PRH1: variants seen among roughly 807,000 people sequenced by gnomAD.
The protein encoded by PRH1 is proline rich protein HaeIII subfamily 1, also known as salivary acidic proline-rich phosphoprotein 1/2.
PRH1 carries 7 observed loss-of-function variants against 7.9 expected under a neutral mutation model. The observed-to-expected ratio is 0.89, with a 90% CI of 0.50 to 1.67. The LOEUF (loss-of-function observed/expected upper bound fraction) is 1.67, where lower values mean the gene tolerates loss of function less well. Ranked by LOEUF, PRH1 falls within the 40% of genes most tolerant of loss-of-function variation. The pLI is 0.00. For synonymous variants in PRH1, 45 were observed against 80.8 expected (o/e 0.56, Z 2.38); for missense variants, 109 against 223.6 (o/e 0.49, Z 3.27).
chr12:11,163,318 A>AGG (rs1313903180), intron 1 of PRH1, among the ~76,000 whole-genome samples: 2 of 152,168 alleles, frequency 1.3e-5, no homozygotes, highest in Non-Finnish European at 2.9e-5. Flanking sequence ...AACATTTATT[A>AGG]AATAATCACT....
At chr12:10,900,830 C>T (rs1949712780) in intron 2 of PRH1, among the ~76,000 whole-genome samples, 1 of 152,122 alleles carries the variant, frequency 6.6e-6, no homozygotes, top group African/African-American at 2.4e-5. Flanking sequence ...GGGAGGCCCT[C>T]TCTGCTTCAT....
intron 2 of PRH1, among the ~76,000 whole-genome samples, chr12:10,940,566 C>T (rs573696438): frequency 3.9e-5 from 6 of 152,304 alleles, no homozygotes; most frequent in African/African-American, 1.4e-4. Context: ...ATTGCTTCAT[C>T]AGCACCAAAT....
chr12:10,908,870 TA>T, intron 2 of PRH1: 1 of 1,613,012 alleles, frequency 6.2e-7, no homozygotes, highest in Non-Finnish European at 8.5e-7. Context: ...GTATCAGATT[TA>T]AAAATAAGAA....
rs1174819795 is a variant in PRH1 at position 11,093,881 on chromosome 12, G to A, written n.124-46693C>T. Among the ~76,000 whole-genome samples the A allele has an allele frequency of 1.8e-5, 2 of 114,234 alleles. 1 individual carries two copies. Among genetic ancestry groups the A allele is most frequent in the Non-Finnish European group, 4.1e-5 (2 of 48,648 alleles). The allele number at this position is 114,234 out of a possible 152,430, so 74.9% of individuals were successfully genotyped here. A position where few individuals can be genotyped will look rare whatever the true frequency, so the allele number is the denominator to read the frequency against. ...TCCATTTACCATGAGAATATCGCCT[G>A]GCTAGTACACTGTTCCCAGAAGAAG... is the stretch of plus-strand genomic sequence containing the variant. On this transcript the variant is annotated intron_variant and non_coding_transcript_variant, in intron 1 of 4. Coordinates refer to the PRH1 transcript ENST00000541977.
intron 1 of PRH1, among the ~76,000 whole-genome samples, chr12:11,004,476 A>C (rs946832993): frequency 2.0e-5 from 3 of 152,034 alleles, no homozygotes; most frequent in African/African-American, 7.2e-5. Context: ...CTGCACTCCA[A>C]CCTAGACCAC....
chr12:11,147,854 T>C (rs544630873), intron 1 of PRH1, among the ~76,000 whole-genome samples: 23 of 152,206 alleles, frequency 1.5e-4, no homozygotes, highest in South Asian at 4.2e-4. Context: ...GGGGATGGCA[T>C]TGAATCTATA....
At chr12:10,921,324 T>C (rs944197656) in intron 2 of PRH1, among the ~76,000 whole-genome samples, 31 of 152,222 alleles carry the variant, frequency 2.0e-4, no homozygotes, top group African/African-American at 3.4e-4. Flanking sequence ...TATATTTTGA[T>C]AGTCCATTCA....
In PRH1 at chr12:10,956,160, T is replaced by TA. The variant is rs150154693; in HGVS notation, c.-59+17494dup. On this transcript the variant is annotated intron_variant, in intron 2 of 3. Coordinates refer to the PRH1 transcript ENST00000539853. The stretch of plus-strand genomic sequence containing the variant: ...AAAACAACCTCAATAAACATAGATT[T>TA]AAAAAAAACACTCCACAAAATGCCA... Among the ~76,000 whole-genome samples the TA allele has an allele frequency of 7.3e-4, 111 of 151,382 alleles. No individual in the cohort carries two copies. In the East Asian group the frequency reaches 0.018, roughly 25 times the overall value.
chr12:10,982,867 T>C (rs1279771818), intron 1 of PRH1, among the ~76,000 whole-genome samples: 1 of 150,132 alleles, frequency 6.7e-6, no homozygotes, highest in Non-Finnish European at 1.5e-5. Context: ...TGTTGCCCTA[T>C]ATATATATAC....
intron 1 of PRH1, chr12:11,031,381 C>A (rs375736512): frequency 3.8e-6 from 6 of 1,588,638 alleles, no homozygotes; most frequent in East Asian, 2.2e-5. Flanking sequence ...GTGTTGTGTC[C>A]GGAGTTGGTT....
At chr12:11,123,738 C>T (rs1427849572) in intron 1 of PRH1, among the ~76,000 whole-genome samples, 1 of 152,170 alleles carries the variant, frequency 6.6e-6, no homozygotes, top group Non-Finnish European at 1.5e-5. Flanking sequence ...CTCAGTGCTT[C>T]ATTCTTTGTA....
chr12:10,965,343 A>C, intron 2 of PRH1: 1 of 1,197,432 alleles, frequency 8.4e-7, no homozygotes, highest in Non-Finnish European at 1.2e-6. Context: ...ATGGGTAGAA[A>C]AGTTATCATG....
chr12:11,058,727 T>C (rs1387896747), intron 1 of PRH1, among the ~76,000 whole-genome samples: 2 of 106,862 alleles, frequency 1.9e-5, no homozygotes, highest in Non-Finnish European at 4.4e-5. Context: ...TGTGCACGTC[T>C]CTGACAAGCC....
intron 1 of PRH1, chr12:11,133,904 G>C (rs1287546553): frequency 1.2e-6 from 2 of 1,614,138 alleles, no homozygotes; most frequent in South Asian, 1.1e-5. Context: ...AATAAGGTTG[G>C]AGAAATTGGC....
intron 1 of PRH1, among the ~76,000 whole-genome samples, chr12:11,101,172 C>G (rs1301375466): frequency 6.6e-6 from 1 of 152,122 alleles, no homozygotes; most frequent in Non-Finnish European, 1.5e-5. Context: ...TTGCCTATCT[C>G]TTCTTTTGTG....
intron 1 of PRH1, among the ~76,000 whole-genome samples, chr12:11,115,089 C>G: frequency 6.6e-6 from 1 of 152,100 alleles, no homozygotes; most frequent in East Asian, 1.9e-4. Context: ...ACTCTCCAAT[C>G]AAAAGACATA....
At chr12:11,168,215 A>C (rs1565724794) in intron 1 of PRH1, among the ~76,000 whole-genome samples, 3 of 5,206 alleles carry the variant, frequency 5.8e-4, no homozygotes, top group African/African-American at 1.1e-3. Context: ...GAAAGAAAGA[A>C]GAAAGAAAGA....
intron 1 of PRH1, among the ~76,000 whole-genome samples, chr12:10,977,643 C>T (rs910881194): frequency 2.0e-5 from 3 of 152,100 alleles, no homozygotes; most frequent in Non-Finnish European, 4.4e-5. Flanking sequence ...CAATGTAATC[C>T]TATACCTAGA....
chr12:11,033,366 A>AAAAACAAAACAAAAC (rs77949516), intron 1 of PRH1, among the ~76,000 whole-genome samples: 2,151 of 151,170 alleles, frequency 0.014, 50 homozygotes, highest in African/African-American at 0.048. Context: ...GACTCTGTCA[A>AAAAACAAAACAAAAC]AAAACAAAAC....
Sources: gnomAD v4.1 joint callset for allele counts (sites outside exome capture counted in the v4.1 genomes callset) on GRCh38, gnomAD v4.1.1 for gene constraint, MANE v1.5 for transcripts, NCBI Gene and HGNC (gene_info 2026-07-23, HGNC 2026-07-21) for gene names.